Variants in PTPRD observed in about 807,000 individuals in gnomAD.
PTPRD encodes receptor-type tyrosine-protein phosphatase delta.
Under a neutral mutation model 214.5 loss-of-function variants are expected in PTPRD, and 34 were observed. The ratio of observed to expected loss-of-function variants is 0.16; its 90% CI spans 0.12 to 0.21. The LOEUF (loss-of-function observed/expected upper bound fraction) is 0.21, where lower values mean the gene tolerates loss of function less well. PTPRD is among the 10% of genes least tolerant of loss of function. PTPRD has a pLI of 1.00. For synonymous variants in PTPRD, 1,128 were observed against 845.7 expected, an observed-to-expected ratio of 1.33 and a Z score of -5.79; for missense variants, 2,545 against 2,398.7, an observed-to-expected ratio of 1.06 and a Z score of -1.27.
chr9:9,932,576 G>C (rs2087150747), intron 5 of PTPRD, among the ~76,000 whole-genome samples: 1 of 115,620 alleles, frequency 8.6e-6, no homozygotes, highest in Non-Finnish European at 1.7e-5. Flanking sequence ...ATGGGACTAT[G>C]TGAAAAGACC....
intron 8 of PTPRD, among the ~76,000 whole-genome samples, chr9:9,536,788 C>G (rs977130730): frequency 6.6e-6 from 1 of 152,026 alleles, no homozygotes; most frequent in Admixed American, 6.6e-5. Flanking sequence ...CGAAAAGCCC[C>G]TTCTCATTTA....
chr9:10,169,697 T>C (rs1403891308), intron 3 of PTPRD, among the ~76,000 whole-genome samples: 4 of 152,158 alleles, frequency 2.6e-5, no homozygotes, highest in Non-Finnish European at 5.9e-5. Flanking sequence ...CTTCTATAGC[T>C]GCAGGAAATA....
At chr9:10,204,159 A>C (rs1410553649) in intron 3 of PTPRD, among the ~76,000 whole-genome samples, 1 of 152,082 alleles carries the variant, frequency 6.6e-6, no homozygotes, top group African/African-American at 2.4e-5. Context: ...CCTCTATGAG[A>C]TTTGAATGTT....
intron 2 of PTPRD, among the ~76,000 whole-genome samples, chr9:10,441,948 A>C (rs1409893616): frequency 6.6e-6 from 1 of 151,610 alleles, no homozygotes; most frequent in Non-Finnish European, 1.5e-5. Flanking sequence ...CACAAGACAC[A>C]TCATGTCTGA....
intron 8 of PTPRD, among the ~76,000 whole-genome samples, chr9:9,474,296 C>A (rs1007774939): frequency 6.6e-6 from 1 of 151,978 alleles, no homozygotes; most frequent in Non-Finnish European, 1.5e-5. Flanking sequence ...TTTCTGTATT[C>A]TTTTCCATTG....
intron 4 of PTPRD, among the ~76,000 whole-genome samples, chr9:9,965,672 T>C (rs1315827402): frequency 1.3e-5 from 2 of 152,228 alleles, no homozygotes; most frequent in Non-Finnish European, 2.9e-5. Context: ...GCCACACAGA[T>C]GTGAGTTGAA....
At chr9:10,162,149 G>T (rs567110050) in intron 3 of PTPRD, among the ~76,000 whole-genome samples, 4 of 151,452 alleles carry the variant, frequency 2.6e-5, no homozygotes, top group Admixed American at 6.6e-5. Context: ...CTCAATAAAT[G>T]AAAAAATCAC....
intron 3 of PTPRD, among the ~76,000 whole-genome samples, chr9:10,241,580 A>C (rs2091058855): frequency 6.6e-6 from 1 of 151,982 alleles, no homozygotes; most frequent in South Asian, 2.1e-4. Context: ...ATAACTACTG[A>C]AAGAAAAATA....
intron 3 of PTPRD, among the ~76,000 whole-genome samples, chr9:10,205,858 C>G (rs930747043): frequency 3.3e-5 from 5 of 151,998 alleles, no homozygotes; most frequent in African/African-American, 1.2e-4. Context: ...GCATTATTCA[C>G]TTTGGGTTCA....
At chr9:8,858,393 G>A (rs1204875659) in intron 11 of PTPRD, 1 of 152,484 alleles carries the variant, frequency 6.6e-6, no homozygotes, top group Non-Finnish European at 1.5e-5. Flanking sequence ...CCCGAGCAGA[G>A]TCGAGGGCCG....
At chr9:8,664,478 T>C (rs1049262865) in intron 12 of PTPRD, among the ~76,000 whole-genome samples, 5 of 152,122 alleles carry the variant, frequency 3.3e-5, no homozygotes, top group Non-Finnish European at 7.3e-5. Context: ...ATCCCTGATA[T>C]CAAACTGCAC....
chr9:8,549,551 A>G (rs946693892), intron 14 of PTPRD, among the ~76,000 whole-genome samples: 2 of 152,210 alleles, frequency 1.3e-5, no homozygotes, highest in African/African-American at 4.8e-5. Flanking sequence ...TAAATAACTA[A>G]AAGGGATAAG....
chr9:9,149,313 T>C (rs2099873925), intron 10 of PTPRD, among the ~76,000 whole-genome samples: 2 of 152,232 alleles, frequency 1.3e-5, no homozygotes, highest in Admixed American at 6.5e-5. Context: ...TTAGCTATTG[T>C]TATTGCCATT....
intron 9 of PTPRD, among the ~76,000 whole-genome samples, chr9:9,207,683 A>C (rs1185085548): frequency 6.6e-6 from 1 of 152,172 alleles, no homozygotes; most frequent in African/African-American, 2.4e-5. Context: ...TTACCCTTTG[A>C]CCTAGAAATG....
chr9:9,684,100 C>T (rs1373599019), intron 7 of PTPRD, among the ~76,000 whole-genome samples: 3 of 151,430 alleles, frequency 2.0e-5, no homozygotes, highest in Admixed American at 6.6e-5. Context: ...TTTGAAGTGG[C>T]CACTTACACC....
chr9:10,160,960 C>T (rs962268047), intron 3 of PTPRD, among the ~76,000 whole-genome samples: 3 of 151,604 alleles, frequency 2.0e-5, no homozygotes, highest in African/African-American at 7.3e-5. Context: ...TAAAACAATC[C>T]CATTTGCAGT....
rs1002732907 is a variant in PTPRD at position 9,348,024 on chromosome 9, T to C, written c.-203+49425A>G. On this transcript the variant is annotated intron_variant, in intron 9 of 45. Coordinates refer to ENST00000381196, the MANE Select transcript of PTPRD (RefSeq NM_002839.4). ...CAAATTTTAGACTTCTGTTTTAGTA[T>C]GCATATTCATCTACTTTGTTTAAAA... Among the ~76,000 whole-genome samples, 8 of 152,194 alleles carry C rather than the reference T, an allele frequency of 5.3e-5. No individual in the cohort carries two copies. In the East Asian group the frequency reaches 9.6e-4, roughly 18 times the overall value.
chr9:8,892,030 T>A (rs1299683659), intron 11 of PTPRD, among the ~76,000 whole-genome samples: 1 of 152,124 alleles, frequency 6.6e-6, no homozygotes, highest in African/African-American at 2.4e-5. Flanking sequence ...CCCTTTCTAC[T>A]CCCTCCCTTC....
chr9:9,077,283 A>C (rs1019941010), intron 10 of PTPRD, among the ~76,000 whole-genome samples: 2 of 151,756 alleles, frequency 1.3e-5, no homozygotes, highest in East Asian at 3.9e-4. Context: ...ACTATGTTGA[A>C]TGTTTCAAAG....
Sources: allele counts gnomAD v4.1 joint callset (sites outside exome capture counted in the v4.1 genomes callset), GRCh38; gene constraint gnomAD v4.1.1; transcripts MANE v1.5; gene names NCBI Gene and HGNC (gene_info 2026-07-23, HGNC 2026-07-21).